The following ARHGAP28 variants were observed in gnomAD, a reference collection of about 807,000 sequenced individuals.
The protein encoded by ARHGAP28 is rho GTPase-activating protein 28.
In ARHGAP28, 56 loss-of-function variants were observed where a neutral mutation model predicts 90.7. The ratio of observed to expected loss-of-function variants is 0.62; its 90% confidence interval spans 0.50 to 0.77. ARHGAP28 has a LOEUF of 0.77. ARHGAP28 is among the 30% of genes least tolerant of loss of function. The probability of loss-of-function intolerance (pLI) is 0.00; values close to 1 mark genes in which losing one functional copy is unlikely to be tolerated. For synonymous variants in ARHGAP28, 308 were observed against 323.3 expected (o/e 0.95, Z 0.51); for missense variants, 869 against 900.9 (o/e 0.96, Z 0.45).
chr18:6,894,352 G>A (rs890728795), intron 14 of ARHGAP28, among the ~76,000 whole-genome samples: 1 of 152,138 alleles, frequency 6.6e-6, no homozygotes, highest in Non-Finnish European at 1.5e-5. Context: ...TAAACCTTCT[G>A]AGATGCTCTA....
intron 10 of ARHGAP28, among the ~76,000 whole-genome samples, chr18:6,881,920 T>A (rs2057180949): frequency 6.6e-6 from 1 of 152,186 alleles, no homozygotes; most frequent in African/African-American, 2.4e-5. Flanking sequence ...TATTTCAAGA[T>A]CAACATTATT....
chr18:6,860,077 G>T (rs1044799993), intron 5 of ARHGAP28, among the ~76,000 whole-genome samples, 180 bp downstream of exon 5: 5 of 152,184 alleles, frequency 3.3e-5, no homozygotes, highest in African/African-American at 1.2e-4. Context: ...GAAGAAAGAG[G>T]CTCAAAATAA....
rs114317325 is a variant in ARHGAP28 at position 6,906,681 on chromosome 18, A to G, written c.2031-2279A>G. ...TGTAGTGTAAAACTATAAAACCCTTAGAAAATAATGTAGGAGAAAACATTT... is the reference window on the plus strand; with the variant it reads ...TGTAGTGTAAAACTATAAAACCCTTGGAAAATAATGTAGGAGAAAACATTT... On this transcript the variant is annotated intron_variant, in intron 16 of 17. Coordinates refer to ENST00000383472, the MANE Select transcript of ARHGAP28 (RefSeq NM_001366230.1). 1.3e-3 allele frequency among the ~76,000 whole-genome samples: 193 copies of G among 152,382 alleles called. 1 individual carries two copies. The highest frequency in any genetic ancestry group is 4.3e-3 in the African/African-American group (180 of 41,598).
intron 7 of ARHGAP28, among the ~76,000 whole-genome samples, chr18:6,871,323 G>C (rs908587450): frequency 1.3e-5 from 2 of 152,152 alleles, no homozygotes; most frequent in Non-Finnish European, 2.9e-5. Flanking sequence ...GAGCTTTCTT[G>C]CACTTTATAT....
In ARHGAP28 at chr18:6,915,653, ATTG is replaced by A. The variant is rs1359464631; in HGVS notation, c.*3502_*3504del. On this transcript the variant is annotated 3_prime_UTR_variant, in exon 18 of 18. Coordinates refer to ENST00000383472, the MANE Select transcript of ARHGAP28 (RefSeq NM_001366230.1). The stretch of plus-strand genomic sequence containing the variant: ...TGATTCTTCTGTTCCATCAGCTTTC[ATTG>A]TTAAGTAGAATATGTATGTTGCATT... 1 of 152,186 alleles carries A rather than the reference ATTG, an allele frequency of 6.6e-6. No individual in the cohort carries two copies. Among genetic ancestry groups the A allele is most frequent in the Non-Finnish European group, 1.5e-5 (1 of 68,028 alleles). 9.4% of individuals were successfully genotyped at this position (152,186 alleles called of 1,614,324 possible).
intron 1 of ARHGAP28, among the ~76,000 whole-genome samples, chr18:6,765,056 C>T (rs1024930963): frequency 2.0e-5 from 3 of 152,120 alleles, no homozygotes; most frequent in African/African-American, 7.2e-5. Flanking sequence ...ATTTGATTTG[C>T]TAATGTTTTG....
At position 6,847,042 on chromosome 18, in the gene ARHGAP28, C is replaced by T. The variant is rs1335065349; in HGVS notation, c.544-3992C>T. Among the ~76,000 whole-genome samples, 4 of 152,106 alleles carry T rather than the reference C, an allele frequency of 2.6e-5. No homozygotes were observed. The East Asian group carries it at 7.7e-4, about 29-fold the overall frequency. ...CAAGAGGGAAGGCTGTTCCCTGGCT[C>T]CCACAGGAGGAGGTGATTGGCTTTT... is the stretch of plus-strand genomic sequence containing the variant. On this transcript the variant is annotated intron_variant, in intron 3 of 17. Coordinates refer to ENST00000383472, the MANE Select transcript of ARHGAP28 (RefSeq NM_001366230.1).
intron 3 of ARHGAP28, among the ~76,000 whole-genome samples, chr18:6,843,614 T>C (rs1452739956): frequency 6.6e-6 from 1 of 152,228 alleles, no homozygotes; most frequent in African/African-American, 2.4e-5. Context: ...GACATCTCTT[T>C]TGACACTTGG....
intron 6 of ARHGAP28, 104 bp downstream of exon 6, chr18:6,868,338 C>CT (rs1303753050): frequency 2.1e-6 from 2 of 957,626 alleles, no homozygotes; most frequent in Non-Finnish European, 3.2e-6. Flanking sequence ...TATAAGTGTG[C>CT]TTTTCTCCCT....
At chr18:6,795,204 A>G (rs919779232) in intron 1 of ARHGAP28, among the ~76,000 whole-genome samples, 1 of 152,178 alleles carries the variant, frequency 6.6e-6, no homozygotes, top group Non-Finnish European at 1.5e-5. Flanking sequence ...ACAAAGATTC[A>G]GAGTATGAAA....
intron 1 of ARHGAP28, among the ~76,000 whole-genome samples, chr18:6,787,268 A>T (rs2056372796): frequency 6.8e-6 from 1 of 147,698 alleles, no homozygotes; most frequent in Admixed American, 6.8e-5. Context: ...TTGTAAATGT[A>T]TTTTGAGGAT....
chr18:6,828,394 G>A (rs1017584785), intron 2 of ARHGAP28, among the ~76,000 whole-genome samples: 1 of 149,480 alleles, frequency 6.7e-6, no homozygotes, highest in Non-Finnish European at 1.5e-5. Context: ...GGAGGAGAGA[G>A]GAGAGAGGAG....
intron 6 of ARHGAP28, among the ~76,000 whole-genome samples, chr18:6,868,691 T>C (rs900494712): frequency 1.2e-4 from 18 of 152,088 alleles, no homozygotes; most frequent in Admixed American, 1.3e-4. Context: ...GGGCTAGGTA[T>C]GGAATCTCAG....
At chr18:6,805,153 C>G (rs535455916) in intron 1 of ARHGAP28, among the ~76,000 whole-genome samples, 10 of 152,104 alleles carry the variant, frequency 6.6e-5, no homozygotes, top group Admixed American at 5.9e-4. Context: ...GTTTTGAAAT[C>G]TTTTACTGTA....
intron 3 of ARHGAP28, among the ~76,000 whole-genome samples, chr18:6,846,109 G>A (rs2056864330): frequency 6.6e-6 from 1 of 152,182 alleles, no homozygotes; most frequent in South Asian, 2.1e-4. Context: ...GGGGTTTGCT[G>A]ACACCTGCCT....
chr18:6,895,326 T>C (rs2057296895), intron 15 of ARHGAP28, among the ~76,000 whole-genome samples: 2 of 152,164 alleles, frequency 1.3e-5, no homozygotes, highest in African/African-American at 2.4e-5. Context: ...CTCATGGTCC[T>C]TGCTGGTAAT....
chr18:6,741,725 T>C (rs538654172), intron 1 of ARHGAP28, among the ~76,000 whole-genome samples: 2 of 152,310 alleles, frequency 1.3e-5, no homozygotes, highest in East Asian at 3.9e-4. Flanking sequence ...GAATTCATCA[T>C]TTAGCCAAAT....
chr18:6,760,189 G>A (rs1274053979), intron 1 of ARHGAP28, among the ~76,000 whole-genome samples: 1 of 151,992 alleles, frequency 6.6e-6, no homozygotes, highest in Non-Finnish European at 1.5e-5. Flanking sequence ...AGAAACATTG[G>A]GCCACTTTAA....
At chr18:6,798,826 A>C (rs2056461274) in intron 1 of ARHGAP28, among the ~76,000 whole-genome samples, 1 of 152,248 alleles carries the variant, frequency 6.6e-6, no homozygotes, top group Admixed American at 6.5e-5. Flanking sequence ...AAAGTGATTT[A>C]AATAAAAAAT....
Sources: gnomAD v4.1 joint callset for allele counts (sites outside exome capture counted in the v4.1 genomes callset) on GRCh38, gnomAD v4.1.1 for gene constraint, MANE v1.5 for transcripts, NCBI Gene and HGNC (gene_info 2026-07-23, HGNC 2026-07-21) for gene names.